CTDSPL2: variants seen among roughly 807,000 people sequenced by gnomAD.
CTDSPL2 encodes CTD small phosphatase like 2.
A neutral mutation model predicts 60.0 loss-of-function variants in CTDSPL2; 5 were observed. The ratio of observed to expected loss-of-function variants is 0.08; its 90% CI spans 0.04 to 0.18. CTDSPL2 has a LOEUF of 0.18. Ranked by LOEUF, CTDSPL2 falls within the 10% of genes least tolerant of loss-of-function variation. The pLI, the probability that CTDSPL2 is intolerant of heterozygous loss-of-function variation, is 1.00. For synonymous variants in CTDSPL2, 186 were observed against 189.3 expected (o/e 0.98, Z 0.14); for missense variants, 370 against 548.8 (o/e 0.67, Z 3.26).
chr15:44,430,084 TCA>T (rs2079826490), intron 1 of CTDSPL2, among the ~76,000 whole-genome samples: 1 of 152,218 alleles, frequency 6.6e-6, no homozygotes, highest in Admixed American at 6.5e-5. Context: ...TCTTTTCTTT[TCA>T]GATTCATCTA....
intron 1 of CTDSPL2, among the ~76,000 whole-genome samples, chr15:44,456,963 A>G (rs2080460563): frequency 6.7e-6 from 1 of 149,914 alleles, no homozygotes; most frequent in South Asian, 2.1e-4. Flanking sequence ...TGCAGCCTCA[A>G]CCTCCTGGGC....
chr15:44,483,115 G>A (rs924037668), intron 2 of CTDSPL2, among the ~76,000 whole-genome samples: 2 of 151,688 alleles, frequency 1.3e-5, no homozygotes, highest in South Asian at 2.1e-4. Context: ...AAAGATTAGC[G>A]GGGCGTGGTG....
intron 2 of CTDSPL2, among the ~76,000 whole-genome samples, chr15:44,472,568 G>T: frequency 1.4e-5 from 2 of 147,498 alleles, no homozygotes; most frequent in African/African-American, 5.0e-5. Flanking sequence ...GCATGATCTC[G>T]GTTCATTGCA....
At chr15:44,506,269 A>T (rs1352266262) in intron 8 of CTDSPL2, among the ~76,000 whole-genome samples, 2 of 151,756 alleles carry the variant, frequency 1.3e-5, no homozygotes, top group Non-Finnish European at 2.9e-5. Flanking sequence ...ACCTCAAGTG[A>T]TCTGCCCACC....
In CTDSPL2 at chr15:44,524,043, GTATGT is replaced by G. The variant is rs750160072; in HGVS notation, c.1336-61_1336-57del. The G allele has an allele frequency of 1.7e-5, 21 of 1,225,428 alleles. No individual in the cohort carries two copies. In the East Asian group the frequency reaches 4.2e-4, roughly 24 times the overall value. The allele number at this position is 1,225,428 out of a possible 1,614,324, so 75.9% of individuals were successfully genotyped here. ...TATGTTTTCTCTGCAAGGTAAGAAT[GTATGT>G]TATGAGGATCATATCTTTGAAATTT... On this transcript the variant is annotated intron_variant, in intron 12 of 12. Coordinates refer to ENST00000260327, the MANE Select transcript of CTDSPL2 (RefSeq NM_016396.3).
intron 2 of CTDSPL2, among the ~76,000 whole-genome samples, chr15:44,466,940 A>AAAAACAAAAC (rs374825117): frequency 6.6e-6 from 1 of 152,102 alleles, no homozygotes; most frequent in Non-Finnish European, 1.5e-5. Flanking sequence ...CTCCGTCTCA[A>AAAAACAAAAC]AAAACAAAAC....
rs971864181 is a variant in CTDSPL2 at position 44,526,399 on chromosome 15, A to G, written c.*2225A>G. 30 of 152,286 alleles carry G rather than the reference A, an allele frequency of 2.0e-4. No homozygotes were observed. The highest frequency in any genetic ancestry group is 6.0e-4 in the African/African-American group (25 of 41,578). The allele number at this position is 152,286 out of a possible 1,614,324, so 9.4% of individuals were successfully genotyped here. On this transcript the variant is annotated 3_prime_UTR_variant, in exon 13 of 13. Coordinates refer to ENST00000260327, the MANE Select transcript of CTDSPL2 (RefSeq NM_016396.3). The stretch of plus-strand genomic sequence containing the variant: ...TACTCTTGTGCCTGTGGGCACTTCA[A>G]TAATAAAAACCAACTTTTTAAACTA...
At chr15:44,516,210 C>T (rs2081652489) in intron 10 of CTDSPL2, among the ~76,000 whole-genome samples, 1 of 151,974 alleles carries the variant, frequency 6.6e-6, no homozygotes, top group Non-Finnish European at 1.5e-5. Flanking sequence ...TCAAGTGATC[C>T]ACCCACTTTG....
chr15:44,501,324 T>G (rs1037125071), intron 8 of CTDSPL2, among the ~76,000 whole-genome samples: 2 of 152,144 alleles, frequency 1.3e-5, no homozygotes, highest in Admixed American at 1.3e-4. Context: ...TGAAATTTAT[T>G]TCTTACAGAT....
In CTDSPL2 at chr15:44,490,681, G is replaced by A. The variant is rs987200950; in HGVS notation, c.476-103G>A. The A allele has an allele frequency of 3.7e-5, 31 of 831,518 alleles. No individual in the cohort carries two copies. The African/African-American group carries it at 4.3e-4, about 11-fold the overall frequency. 51.5% of individuals were successfully genotyped at this position (831,518 alleles called of 1,614,324 possible). A position where few individuals can be genotyped will look rare whatever the true frequency, so the allele number is the denominator to read the frequency against. ...AATATACTCAGCTTTGTTCCTGCAG[G>A]AATGATCAGTCTAAATAAATATATT... On this transcript the variant is annotated intron_variant, in intron 4 of 12. Coordinates refer to ENST00000260327, the MANE Select transcript of CTDSPL2 (RefSeq NM_016396.3).
chr15:44,443,935 C>T (rs1003897339), intron 1 of CTDSPL2, among the ~76,000 whole-genome samples: 30 of 152,118 alleles, frequency 2.0e-4, no homozygotes, highest in African/African-American at 7.0e-4. Context: ...TAGGATCTTA[C>T]TGTGTCACCC....
chr15:44,512,977 TAGG>T (rs1449930435), intron 8 of CTDSPL2, among the ~76,000 whole-genome samples: 2 of 148,430 alleles, frequency 1.3e-5, no homozygotes, highest in Admixed American at 6.8e-5. Context: ...GAGGCTGGGG[TAGG>T]AGAATTGCTT....
chr15:44,504,824 G>A (rs1245531197), intron 8 of CTDSPL2, among the ~76,000 whole-genome samples: 1 of 152,126 alleles, frequency 6.6e-6, no homozygotes, highest in African/African-American at 2.4e-5. Context: ...AACCATTTCA[G>A]GGTCATAGTT....
At chr15:44,515,741 C>T (rs926035883) in intron 10 of CTDSPL2, among the ~76,000 whole-genome samples, 2 of 151,982 alleles carry the variant, frequency 1.3e-5, no homozygotes, top group African/African-American at 2.4e-5. Flanking sequence ...GGCGTGGTGG[C>T]GCATGCCTGT....
intron 6 of CTDSPL2, 103 bp from the exon 7 acceptor site, chr15:44,496,924 T>C: frequency 1.7e-6 from 1 of 593,190 alleles, no homozygotes; most frequent in East Asian, 2.9e-5. Context: ...AGTTTTGTTT[T>C]CTGGGTTAAC....
Position 44,524,189 on chromosome 15 carries a change from C to A in CTDSPL2, c.*15C>A. On this transcript the variant is annotated 3_prime_UTR_variant, in exon 13 of 13. Coordinates refer to ENST00000260327, the MANE Select transcript of CTDSPL2 (RefSeq NM_016396.3). ...CCCCAGATTAAGTACAAAGACTTGT[C>A]AAATCACTGAAGGGGGAGAGAATGC... The A allele has an allele frequency of 6.3e-7, 1 of 1,599,170 alleles. No homozygotes were observed. The highest frequency in any genetic ancestry group is 1.1e-5 in the South Asian group (1 of 90,772).
chr15:44,528,862 C>T lies in CTDSPL2; in HGVS notation c.*4688C>T, dbSNP rs2081906574. 6.6e-6 allele frequency: 1 copy of T among 151,956 alleles called. No individual in the cohort carries two copies. Among genetic ancestry groups the T allele is most frequent in the Admixed American group, 6.6e-5 (1 of 15,250 alleles). The allele number at this position is 151,956 out of a possible 1,614,324, so 9.4% of individuals were successfully genotyped here. A position where few individuals can be genotyped will look rare whatever the true frequency, so the allele number is the denominator to read the frequency against. On this transcript the variant is annotated 3_prime_UTR_variant, in exon 13 of 13. Coordinates refer to ENST00000260327, the MANE Select transcript of CTDSPL2 (RefSeq NM_016396.3). ...GTTAATATTCTCTCTGCCTTGTTTC[C>T]ACGTGAATCAATATTAAAGTCATGG... is the stretch of plus-strand genomic sequence containing the variant.
Position 44,490,784 on chromosome 15 carries a change from G to C in CTDSPL2, c.476G>C (p.Gly159Ala). 6.2e-7 allele frequency: 1 copy of C among 1,611,642 alleles called. No homozygotes were observed. Among genetic ancestry groups the C allele is most frequent in the African/African-American group, 1.3e-5 (1 of 74,964 alleles). ...ATAGTACACTGAATCATGATTTCAGGAACGTCAGGATCAGATTCTCCAGGA... is the reference window on the plus strand; with the variant it reads ...ATAGTACACTGAATCATGATTTCAGCAACGTCAGGATCAGATTCTCCAGGA... ...FNFFSPANKN[G>A]TSGSDSPGQA... is the part of the protein sequence containing the mutation. Residue 159 changes from glycine to alanine, a missense_variant and splice_region_variant, in exon 5 of 13, where the codon GGA (glycine) becomes GCA (alanine). Physicochemically the swap from Gly to Ala is moderately conservative, Grantham distance 60 (BLOSUM62 0). This residue lies in a region of CTDSPL2 where 287 missense variants were observed against 296.1 expected (regional missense o/e 0.97). Coordinates refer to ENST00000260327, the MANE Select transcript of CTDSPL2 (RefSeq NM_016396.3).
At chr15:44,505,683 G>A (rs1016296579) in intron 8 of CTDSPL2, among the ~76,000 whole-genome samples, 1 of 148,234 alleles carries the variant, frequency 6.7e-6, no homozygotes, top group Non-Finnish European at 1.5e-5. Flanking sequence ...GCAGTGAGCC[G>A]AAATCGCACC....
Sources: allele counts gnomAD v4.1 joint callset (sites outside exome capture counted in the v4.1 genomes callset), GRCh38; gene constraint gnomAD v4.1.1; regional missense constraint gnomAD v4.1.1; transcripts MANE v1.5; gene names NCBI Gene and HGNC (gene_info 2026-07-23, HGNC 2026-07-21).